The following SZT2 variants were observed in gnomAD, a reference collection of about 807,000 sequenced individuals.
The protein encoded by SZT2 is KICSTOR complex protein SZT2.
A neutral mutation model predicts 404.2 loss-of-function variants in SZT2; 216 were observed. That is an observed-to-expected ratio of 0.53 (90% confidence interval 0.48 to 0.60). The LOEUF is 0.60. SZT2 is among the 20% of genes least tolerant of loss of function. The pLI, the probability that SZT2 is intolerant of heterozygous loss-of-function variation, is 0.00. For synonymous variants in SZT2, 1,693 were observed against 1,749.9 expected (o/e 0.97, Z 0.81); for missense variants, 3,857 against 4,459.2 (o/e 0.86, Z 3.85).
intron 62 of SZT2, among the ~76,000 whole-genome samples, chr1:43,444,288 G>T (rs908126382): frequency 6.6e-6 from 1 of 151,846 alleles, no homozygotes; most frequent in African/African-American, 2.4e-5. Context: ...GTAGAGATGG[G>T]GTATCACCAT....
intron 27 of SZT2, 29 bp from the exon 28 acceptor site, chr1:43,428,211 A>C: frequency 6.2e-7 from 1 of 1,613,910 alleles, no homozygotes; most frequent in Non-Finnish European, 8.5e-7. Flanking sequence ...CCAGAGCTCA[A>C]GCCTCATGGC....
intron 1 of SZT2, among the ~76,000 whole-genome samples, chr1:43,393,163 A>G (rs1003276241): frequency 6.6e-6 from 1 of 152,224 alleles, no homozygotes; most frequent in African/African-American, 2.4e-5. Flanking sequence ...GAAGTTTTCT[A>G]AAAGAAGAGG....
chr1:43,412,289 A>G lies in SZT2; in HGVS notation c.499-2793A>G, dbSNP rs1398977525. ...CAACAGCTTCACCCACGCTCTGCAT[A>G]AACTCTGGTACTGGCTGTGTTCTCC... On this transcript the variant is annotated intron_variant, in intron 4 of 71. Transcript: ENST00000634258. 2.6e-5 allele frequency: 4 copies of G among 152,250 alleles called. No individual in the cohort carries two copies. In the East Asian group the frequency reaches 7.7e-4, roughly 29 times the overall value. The allele number at this position is 152,250 out of a possible 1,614,324, so 9.4% of individuals were successfully genotyped here.
chr1:43,407,252 C>G (rs547692673), intron 4 of SZT2, among the ~76,000 whole-genome samples: 1 of 152,250 alleles, frequency 6.6e-6, no homozygotes, highest in Admixed American at 6.5e-5. Flanking sequence ...GCCTGTAATC[C>G]TAGCACTTTG....
chr1:43,434,536 A>G (rs1570685696), intron 41 of SZT2, 51 bp downstream of exon 41: 2 of 1,450,260 alleles, frequency 1.4e-6, no homozygotes, highest in Non-Finnish European at 9.4e-7. Flanking sequence ...ATGAGAACCA[A>G]ATTTCTAAGA....
intron 15 of SZT2, among the ~76,000 whole-genome samples, chr1:43,423,892 T>TA (rs1463337431): frequency 5.2e-5 from 7 of 133,670 alleles, no homozygotes; most frequent in African/African-American, 2.0e-4. Flanking sequence ...GGGGTATGAG[T>TA]GGTAAGGAGT....
Position 43,450,237 on chromosome 1 carries a change from G to C in SZT2, c.10155+66G>C, listed in dbSNP as rs376953609. ...GCCGTACCCCAAATGCTCCACCTCG[G>C]AGCCTGCTGAGGTTGGGGTGCCCAC... On this transcript the variant is annotated intron_variant, in intron 71 of 71. Transcript: ENST00000634258. This position sits in a 1 kb window ranked among gnomAD's most constrained non-coding sequence, Gnocchi z 4.3. The C allele has an allele frequency of 5.9e-5, 96 of 1,613,884 alleles. No individual in the cohort carries two copies. The highest frequency in any genetic ancestry group is 7.6e-5 in the Non-Finnish European group (90 of 1,179,818).
In SZT2 at chr1:43,453,833, AAGGCGGC is replaced by A. The variant is rs1656747611; in HGVS notation, c.*3354_*3360del. On this transcript the variant is annotated 3_prime_UTR_variant, in exon 72 of 72. Coordinates refer to ENST00000634258, the MANE Select transcript of SZT2 (RefSeq NM_001365999.1). ...GGCCGGGCGGAGTCCGCGGGATCCA[AAGGCGGC>A]GGGCGGCGGGCGGCGGGCGGCGGGC... is the stretch of plus-strand genomic sequence containing the variant. 1.7e-6 allele frequency: 2 copies of A among 1,201,972 alleles called. No homozygotes were observed. Among genetic ancestry groups the A allele is most frequent in the Admixed American group, 8.7e-5 (2 of 22,938 alleles). 74.5% of individuals were successfully genotyped at this position (1,201,972 alleles called of 1,614,324 possible).
intron 1 of SZT2, among the ~76,000 whole-genome samples, chr1:43,391,170 C>T (rs933032059): frequency 6.6e-5 from 10 of 152,150 alleles, no homozygotes; most frequent in African/African-American, 2.2e-4. Context: ...CAAAATTAGC[C>T]AAGCATGGTG....
chr1:43,452,682 C>T lies in SZT2; in HGVS notation c.*2202C>T, dbSNP rs1254512415. ...TGCTGCTGTCTCTACTTCCTCTCCTCGCATCTACTTAGCCTTTTCCCATCT... is the reference window on the plus strand; with the variant it reads ...TGCTGCTGTCTCTACTTCCTCTCCTTGCATCTACTTAGCCTTTTCCCATCT... On this transcript the variant is annotated 3_prime_UTR_variant, in exon 72 of 72. Transcript: ENST00000634258. 6 of 605,454 alleles carry T rather than the reference C, an allele frequency of 9.9e-6. No individual in the cohort carries two copies. Among genetic ancestry groups the T allele is most frequent in the Non-Finnish European group, 1.8e-5 (6 of 340,180 alleles). 37.5% of individuals were successfully genotyped at this position (605,454 alleles called of 1,614,324 possible).
Position 43,422,778 on chromosome 1 carries a change from C to G in SZT2, c.1932C>G (p.Asp644Glu), listed in dbSNP as rs954752390. ...SYVKLLSSAP[D>E]QPPNSFYMVR... ...TCCCATTTCTCCCCAGTGCCCCAGA[C>G]CAGCCCCCCAATTCCTTCTACATGG... The change falls in exon 14 of 72, where the codon GAC becomes GAG. Residue 644 changes from aspartate (D) to glutamate (E), a missense_variant. Asp to Glu is a conservative substitution (Grantham distance 45). Coordinates refer to ENST00000634258, the MANE Select transcript of SZT2 (RefSeq NM_001365999.1). 3 of 1,587,508 alleles carry G rather than the reference C, an allele frequency of 1.9e-6. No homozygotes were observed. The highest frequency in any genetic ancestry group is 2.6e-6 in the Non-Finnish European group (3 of 1,174,868).
At position 43,404,519 on chromosome 1, in the gene SZT2, A is replaced by G; in HGVS notation, c.467A>G (p.Tyr156Cys). ...QPEIYVTIQA[Y>C]SSIIGLQSHQ... is the part of the protein sequence containing the mutation. The stretch of plus-strand genomic sequence containing the variant: ...GAGATCTATGTAACTATCCAGGCCT[A>G]CTCCTCCATCATTGGACTGCAGTCC... Residue 156 changes from tyrosine (Y) to cysteine (C), a missense_variant, in exon 4 of 72, where the codon TAC becomes TGC. By Grantham distance (194) the Tyr-to-Cys change is radical. This residue lies in a region of SZT2 where 536 missense variants were observed against 637.4 expected (regional missense o/e 0.84). Transcript: ENST00000634258. 1 of 1,613,452 alleles carries G rather than the reference A, an allele frequency of 6.2e-7. No individual in the cohort carries two copies. Among genetic ancestry groups the G allele is most frequent in the Non-Finnish European group, 8.5e-7 (1 of 1,179,802 alleles).
rs1162573691 is a variant in SZT2 at position 43,416,557 on chromosome 1, G to A, written c.795G>A (p.Gly265=). Residue 265 remains glycine, a synonymous_variant, in exon 7 of 72, where the codon GGG becomes GGA. Transcript: ENST00000634258. ...SSAGIIVITD[G]VTSVPDVAVC... is the part of the protein sequence containing the mutation. Reference sequence around the variant, plus strand: ...CAGGGATTATCGTGATCACGGATGGGGTGACCAGTGTACCTGATGTTGCTG... The same window carrying A: ...CAGGGATTATCGTGATCACGGATGGAGTGACCAGTGTACCTGATGTTGCTG... 6.3e-7 allele frequency: 1 copy of A among 1,598,306 alleles called. No individual in the cohort carries two copies. The highest frequency in any genetic ancestry group is 8.5e-7 in the Non-Finnish European group (1 of 1,179,772).
At chr1:43,447,725 G>A in intron 67 of SZT2, 27 bp downstream of exon 67, 1 of 1,611,938 alleles carries the variant, frequency 6.2e-7, no homozygotes, top group Non-Finnish European at 8.5e-7. Context: ...CATCCAGCAT[G>A]CACGCTGCAG....
rs762088595 is a variant in SZT2, at chr1:43,424,760, G to C, written c.2472-24G>C. On this transcript the variant is annotated intron_variant, in intron 16 of 71. Coordinates refer to ENST00000634258, the MANE Select transcript of SZT2 (RefSeq NM_001365999.1). This position sits in a 1 kb window ranked among gnomAD's most constrained non-coding sequence, Gnocchi z 4.1. ...TCTCTTCTTCCCTTATCCTGGCCTTGCCCCGGCCTTTATGGGGCTTCAGAG... is the reference window on the plus strand; with the variant it reads ...TCTCTTCTTCCCTTATCCTGGCCTTCCCCCGGCCTTTATGGGGCTTCAGAG... The C allele has an allele frequency of 8.7e-6, 14 of 1,607,500 alleles. No homozygotes were observed. The highest frequency in any genetic ancestry group is 1.2e-5 in the Non-Finnish European group (14 of 1,174,298).
At chr1:43,400,551 G>A (rs1360925142) in intron 1 of SZT2, among the ~76,000 whole-genome samples, 1 of 152,100 alleles carries the variant, frequency 6.6e-6, no homozygotes, top group East Asian at 1.9e-4. Context: ...GTTTTGTTGT[G>A]AATACTGAAT....
chr1:43,414,431 A>C (rs1443579341), intron 4 of SZT2, among the ~76,000 whole-genome samples: 1 of 152,118 alleles, frequency 6.6e-6, no homozygotes, highest in Non-Finnish European at 1.5e-5. Context: ...TTTTAAAAAA[A>C]AATTTTTTTT....
chr1:43,391,247 G>C (rs1648275142), intron 1 of SZT2, among the ~76,000 whole-genome samples: 1 of 152,022 alleles, frequency 6.6e-6, no homozygotes, highest in Admixed American at 6.5e-5. Context: ...CCGGGAGGTG[G>C]AGGTTGCGAT....
In SZT2 at chr1:43,448,353, A is replaced by AAGCGC; in HGVS notation, c.9839_9843dup (p.Leu3282SerfsTer16). 6.4e-7 allele frequency: 1 copy of AAGCGC among 1,554,028 alleles called. No homozygotes were observed. The highest frequency in any genetic ancestry group is 1.2e-5 in the South Asian group (1 of 84,786). ...GCACTGCCGTCGGGACACCCTTTGG[A>AAGCGC]AGCGCCTCTTCTTGCTGGAGCCACC... On this transcript the variant is annotated frameshift_variant, in exon 69 of 72. Coordinates refer to ENST00000634258, the MANE Select transcript of SZT2 (RefSeq NM_001365999.1). LOFTEE classifies it high-confidence loss of function. This position sits in a 1 kb window ranked among gnomAD's most constrained non-coding sequence, Gnocchi z 4.2.
Sources: allele counts gnomAD v4.1 joint callset (sites outside exome capture counted in the v4.1 genomes callset), GRCh38; gene constraint gnomAD v4.1.1; regional missense constraint gnomAD v4.1.1; non-coding constraint Gnocchi (gnomAD v3.1); transcripts MANE v1.5; gene names NCBI Gene and HGNC (gene_info 2026-07-23, HGNC 2026-07-21).